Variants in CLDN14 observed in about 807,000 individuals in gnomAD.
CLDN14 encodes the protein claudin 14.
Under a neutral mutation model 2.1 loss-of-function variants are expected in CLDN14, and 2 were observed. The ratio of observed to expected loss-of-function variants is 0.96; its 90% CI spans 0.39 to 3.01. The LOEUF is 3.01. CLDN14 is among the 30% of genes most tolerant of loss of function. CLDN14 has a pLI of 0.09. For missense variants in CLDN14, 298 were observed against 328.0 expected (o/e 0.91, Z 0.71); for synonymous variants, 136 against 154.4 (o/e 0.88, Z 0.88).
chr21:36,566,226 A>C (rs989527401), intron 1 of CLDN14, among the ~76,000 whole-genome samples: 1 of 152,246 alleles, frequency 6.6e-6, no homozygotes. Context: ...GTAATAATAT[A>C]ACCACTAATT....
intron 1 of CLDN14, among the ~76,000 whole-genome samples, chr21:36,478,208 T>A (rs1185159876): frequency 6.6e-6 from 1 of 152,240 alleles, no homozygotes; most frequent in African/African-American, 2.4e-5. Flanking sequence ...TTCCTTTTTA[T>A]AGATTTTTCT....
At chr21:36,490,383 T>A (rs547330394) in intron 2 of CLDN14, among the ~76,000 whole-genome samples, 36 of 140,986 alleles carry the variant, frequency 2.6e-4, no homozygotes, top group East Asian at 2.1e-3. Flanking sequence ...AATTTTTTTT[T>A]AATTTTTTTT....
rs549351236 is a variant in CLDN14, at chr21:36,524,922, C to T, written c.-219-14422G>A. Among the ~76,000 whole-genome samples, 4 of 152,330 alleles carry T rather than the reference C, an allele frequency of 2.6e-5. No homozygotes were observed. In the South Asian group the frequency reaches 8.3e-4, roughly 32 times the overall value. ...GGATGCAAGGCATGGGTGCCAGGTA[C>T]TTTCCCCTTCCACCCACCCTTGGCT... On this transcript the variant is annotated intron_variant, in intron 1 of 2. Transcript: ENST00000342108.
chr21:36,465,591 G>T (rs576773679), intron 1 of CLDN14, among the ~76,000 whole-genome samples: 1 of 152,110 alleles, frequency 6.6e-6, no homozygotes, highest in Non-Finnish European at 1.5e-5. Context: ...TTAACTGAAC[G>T]CATCTCCCTG....
chr21:36,473,143 C>T (rs1372456559), intron 1 of CLDN14, among the ~76,000 whole-genome samples: 2 of 151,842 alleles, frequency 1.3e-5, no homozygotes, highest in African/African-American at 4.8e-5. Flanking sequence ...TAGATGGGCT[C>T]TTGCTATATT....
chr21:36,520,017 G>C (rs903874785), intron 1 of CLDN14, among the ~76,000 whole-genome samples: 3 of 152,208 alleles, frequency 2.0e-5, no homozygotes, highest in Non-Finnish European at 2.9e-5. Context: ...TTCTCTCACA[G>C]CTCTGGAGTC....
chr21:36,561,496 C>T (rs1209966404), intron 1 of CLDN14, among the ~76,000 whole-genome samples: 1 of 152,110 alleles, frequency 6.6e-6, no homozygotes, highest in African/African-American at 2.4e-5. Flanking sequence ...CCATAGTGGG[C>T]CACTTGGCTG....
intron 1 of CLDN14, among the ~76,000 whole-genome samples, chr21:36,566,781 C>G (rs2087676067): frequency 1.3e-5 from 2 of 152,202 alleles, no homozygotes; most frequent in Admixed American, 1.3e-4. Context: ...CTTCTAGCCC[C>G]ACTTTCCCTC....
chr21:36,535,796 C>A (rs549130692), intron 1 of CLDN14, among the ~76,000 whole-genome samples: 7 of 152,288 alleles, frequency 4.6e-5, no homozygotes, highest in African/African-American at 1.4e-4. Context: ...AAATTATTAT[C>A]TCAAAGCACA....
Position 36,499,654 on chromosome 21 carries a change from G to A in CLDN14, c.-82+10709C>T, listed in dbSNP as rs553636640. ...TATGTCAGCCCCTGTTCCAGTCCAC[G>A]TGACTCTTATGCATCATGATGTTGA... On this transcript the variant is annotated intron_variant, in intron 2 of 2. Transcript: ENST00000342108. This position sits in a 1 kb window ranked among gnomAD's most constrained non-coding sequence, Gnocchi z 4.7. Among the ~76,000 whole-genome samples the A allele has an allele frequency of 1.1e-4, 17 of 152,252 alleles. No homozygotes were observed. Among genetic ancestry groups the A allele is most frequent in the East Asian group, 1.9e-4 (1 of 5,192 alleles).
upstream of CLDN14, among the ~76,000 whole-genome samples, chr21:36,482,411 CGGATGGATGGATGGATGGATGGAT>C (rs75061949): frequency 7.0e-6 from 1 of 142,104 alleles, no homozygotes. Context: ...GATGGATAGA[CGGATGGATGGATGGATGGATGGAT>C]GGATGGATGG....
intron 2 of CLDN14, among the ~76,000 whole-genome samples, chr21:36,502,054 G>T (rs1208693716): frequency 2.0e-5 from 3 of 152,160 alleles, no homozygotes; most frequent in Admixed American, 6.5e-5. Flanking sequence ...AGGGGTTAAT[G>T]GTGCTATTCT....
chr21:36,462,330 C>T (rs1367474836), intron 1 of CLDN14, among the ~76,000 whole-genome samples: 2 of 151,348 alleles, frequency 1.3e-5, no homozygotes, highest in African/African-American at 4.9e-5. Flanking sequence ...AGATTGTCAG[C>T]TGATGCCGGG....
intron 2 of CLDN14, among the ~76,000 whole-genome samples, chr21:36,492,769 C>T (rs984772051): frequency 1.3e-5 from 2 of 152,222 alleles, no homozygotes; most frequent in East Asian, 1.9e-4. Flanking sequence ...GATGCGACTA[C>T]AAGCCAGGGA....
At chr21:36,565,285 G>A (rs2087664904) in intron 1 of CLDN14, among the ~76,000 whole-genome samples, 1 of 152,178 alleles carries the variant, frequency 6.6e-6, no homozygotes, top group Admixed American at 6.5e-5. Context: ...CTGCTGCTGT[G>A]AGAATGGGCA....
chr21:36,492,404 G>A lies in CLDN14; in HGVS notation c.-82+17959C>T, dbSNP rs1224931800. Among the ~76,000 whole-genome samples the A allele has an allele frequency of 2.7e-4, 28 of 104,752 alleles. 1 individual carries two copies. Among genetic ancestry groups the A allele is most frequent in the Non-Finnish European group, 3.7e-4 (22 of 58,866 alleles). The allele number at this position is 104,752 out of a possible 152,430, so 68.7% of individuals were successfully genotyped here. ...AGCCGAGATTGCGCCACTGCAGTCCGCAGTCCGGCCTGGGCGACAGAGCGA... is the reference window on the plus strand; with the variant it reads ...AGCCGAGATTGCGCCACTGCAGTCCACAGTCCGGCCTGGGCGACAGAGCGA... On this transcript the variant is annotated intron_variant, in intron 2 of 2. Transcript: ENST00000342108.
chr21:36,484,876 C>T (rs1449167231), upstream of CLDN14, among the ~76,000 whole-genome samples: 2 of 152,160 alleles, frequency 1.3e-5, no homozygotes. Flanking sequence ...CCATGCCTGG[C>T]TAATTTTGTA....
chr21:36,537,664 T>TTG (rs2087437407), intron 1 of CLDN14, among the ~76,000 whole-genome samples: 1 of 151,114 alleles, frequency 6.6e-6, no homozygotes, highest in African/African-American at 2.4e-5. Flanking sequence ...TTCTTTTTTT[T>TTG]TTTGAGACGG....
At chr21:36,465,620 TC>T (rs1174264684) in intron 1 of CLDN14, among the ~76,000 whole-genome samples, 2 of 152,308 alleles carry the variant, frequency 1.3e-5, no homozygotes, top group African/African-American at 4.8e-5. Flanking sequence ...ATAAAATTCC[TC>T]CGTGATGCTC....
Sources: allele counts gnomAD v4.1 joint callset (sites outside exome capture counted in the v4.1 genomes callset), GRCh38; gene constraint gnomAD v4.1.1; non-coding constraint Gnocchi (gnomAD v3.1); transcripts MANE v1.5; gene names NCBI Gene and HGNC (gene_info 2026-07-23, HGNC 2026-07-21).